The following CCDC171 variants were observed in gnomAD, a reference collection of about 807,000 sequenced individuals.
The protein encoded by CCDC171 is coiled-coil domain-containing protein 171.
Under a neutral mutation model 168.2 loss-of-function variants are expected in CCDC171, and 177 were observed. The ratio of observed to expected loss-of-function variants is 1.05; its 90% CI spans 0.93 to 1.19. The LOEUF (loss-of-function observed/expected upper bound fraction) is 1.19, where lower values mean the gene tolerates loss of function less well. Among genes scored for constraint, CCDC171 ranks in the 50% most tolerant of loss-of-function variants. The pLI, the probability that CCDC171 is intolerant of heterozygous loss-of-function variation, is 0.00. For missense variants in CCDC171, 1,991 were observed against 1,539.0 expected (o/e 1.29, Z -4.91); for synonymous variants, 687 against 540.8 (o/e 1.27, Z -3.75).
At chr9:16,087,735 G>A in the CCDC171 span, among the ~76,000 whole-genome samples, 7 of 151,872 alleles carry the variant, frequency 4.6e-5, 1 homozygote, top group African/African-American at 1.7e-4. Context: ...GGGGCATTTA[G>A]CCCATTTACA....
intron 11 of CCDC171, among the ~76,000 whole-genome samples, chr9:15,701,099 T>G (rs2133877106): frequency 6.6e-6 from 1 of 152,332 alleles, no homozygotes; most frequent in East Asian, 1.9e-4. Flanking sequence ...GGTGTTTTTT[T>G]GCTGTTGAGT....
intron 7 of CCDC171, 60 bp downstream of exon 7, chr9:15,623,473 G>GCACACATACA: frequency 2.2e-6 from 1 of 464,174 alleles, no homozygotes; most frequent in Non-Finnish European, 3.6e-6. Flanking sequence ...ATGCGCGCGC[G>GCACACATACA]CGCACACACA....
At chr9:15,758,702 G>A (rs973874097) in intron 18 of CCDC171, among the ~76,000 whole-genome samples, 2 of 152,116 alleles carry the variant, frequency 1.3e-5, no homozygotes, top group African/African-American at 4.8e-5. Flanking sequence ...TTGTGGGAGG[G>A]ACCCAGTGGG....
intron 7 of CCDC171, among the ~76,000 whole-genome samples, chr9:15,633,774 C>G (rs1233911335): frequency 1.3e-5 from 2 of 152,068 alleles, no homozygotes; most frequent in East Asian, 1.9e-4. Flanking sequence ...GGAACCAACC[C>G]AAATGTCCAA....
At chr9:15,636,482 C>G (rs937166240) in intron 7 of CCDC171, among the ~76,000 whole-genome samples, 15 of 152,086 alleles carry the variant, frequency 9.9e-5, no homozygotes, top group African/African-American at 3.6e-4. Context: ...GGAGCTGTGG[C>G]TCATGCCTGT....
intron 7 of CCDC171, among the ~76,000 whole-genome samples, chr9:15,648,094 T>A (rs188261350): frequency 0.019 from 2,869 of 152,284 alleles, 41 homozygotes; most frequent in Middle Eastern, 0.068. Flanking sequence ...TGGTTCAACA[T>A]ACGCAAATCA....
chr9:15,562,458 G>T (rs1329433861), intron 1 of CCDC171, among the ~76,000 whole-genome samples: 1 of 152,126 alleles, frequency 6.6e-6, no homozygotes, highest in Non-Finnish European at 1.5e-5. Context: ...CTGAGCTATG[G>T]AAGATGCTAT....
chr9:15,832,699 G>A (rs952489773), intron 21 of CCDC171, among the ~76,000 whole-genome samples: 13 of 152,188 alleles, frequency 8.5e-5, no homozygotes, highest in Non-Finnish European at 1.9e-4. Flanking sequence ...ATGTGAAGAC[G>A]TAGGACATTA....
At chr9:15,610,469 A>AAAAAAAAAAAAAAAAAAAAAAC (rs1432453522) in intron 6 of CCDC171, among the ~76,000 whole-genome samples, 2 of 136,272 alleles carry the variant, frequency 1.5e-5, no homozygotes, top group Non-Finnish European at 3.2e-5. Context: ...AAAAAAAAAA[A>AAAAAAAAAAAAAAAAAAAAAAC]AAAAAAAAAA....
chr9:15,960,535 T>C (rs1830237427), intron 25 of CCDC171, among the ~76,000 whole-genome samples: 2 of 152,138 alleles, frequency 1.3e-5, no homozygotes, highest in South Asian at 4.1e-4. Context: ...TTTTGGAATT[T>C]TGTGTTTGCT....
intron 25 of CCDC171, among the ~76,000 whole-genome samples, chr9:15,927,948 C>T (rs1040474415): frequency 3.3e-5 from 5 of 151,548 alleles, no homozygotes; most frequent in Admixed American, 1.3e-4. Context: ...GAGTTTTTAG[C>T]CCTTTAAGAA....
chr9:15,980,154 C>A (rs377255482), intron 3 of CCDC171, among the ~76,000 whole-genome samples: 2 of 152,172 alleles, frequency 1.3e-5, no homozygotes, highest in East Asian at 3.9e-4. Context: ...TACAAAGCAT[C>A]TAATGTTTTC....
intron 3 of CCDC171, among the ~76,000 whole-genome samples, chr9:15,573,163 A>AT (rs565623573): frequency 1.1e-3 from 164 of 152,162 alleles, no homozygotes; most frequent in Middle Eastern, 3.4e-3. Context: ...TGAAAAGATG[A>AT]TTTTTTTCAG....
chr9:15,863,101 G>C (rs2061627991), intron 23 of CCDC171, among the ~76,000 whole-genome samples: 1 of 151,904 alleles, frequency 6.6e-6, no homozygotes, highest in Admixed American at 6.6e-5. Flanking sequence ...GGTCATGTCA[G>C]TACTCAAACA....
chr9:16,028,338 C>T (rs748115013), intron 6 of CCDC171, among the ~76,000 whole-genome samples: 37 of 152,076 alleles, frequency 2.4e-4, no homozygotes, highest in Non-Finnish European at 3.7e-4. Context: ...GCAGAGAGAC[C>T]GACCGGGAGA....
chr9:15,697,909 A>G (rs914042297), intron 11 of CCDC171, among the ~76,000 whole-genome samples: 6 of 152,210 alleles, frequency 3.9e-5, no homozygotes, highest in African/African-American at 1.4e-4. Context: ...TATGGGGTGC[A>G]TGTGATATTT....
At chr9:15,645,764 C>T (rs1353550062) in intron 7 of CCDC171, among the ~76,000 whole-genome samples, 2 of 152,270 alleles carry the variant, frequency 1.3e-5, no homozygotes, top group Middle Eastern at 6.8e-3. Flanking sequence ...ACCACATCTA[C>T]GTCTGATTGG....
At chr9:15,702,652 A>G (rs925165704) in intron 11 of CCDC171, among the ~76,000 whole-genome samples, 1 of 152,142 alleles carries the variant, frequency 6.6e-6, no homozygotes, top group African/African-American at 2.4e-5. Context: ...TTGCAACAAA[A>G]GACTGTTTAG....
intron 11 of CCDC171, among the ~76,000 whole-genome samples, chr9:15,703,206 G>C (rs532929667): frequency 3.9e-5 from 6 of 152,022 alleles, no homozygotes; most frequent in Non-Finnish European, 7.4e-5. Flanking sequence ...ACGCCCGGCC[G>C]GGCCTTGTTT....
Sources: allele counts gnomAD v4.1 joint callset (sites outside exome capture counted in the v4.1 genomes callset), GRCh38; gene constraint gnomAD v4.1.1; transcripts MANE v1.5; gene names NCBI Gene and HGNC (gene_info 2026-07-23, HGNC 2026-07-21).